Variants in EXOC6 observed in about 807,000 individuals in gnomAD.
EXOC6 encodes exocyst complex component 6.
Under a neutral mutation model 112.5 loss-of-function variants are expected in EXOC6, and 60 were observed. That is an observed-to-expected ratio of 0.53 (90% CI 0.43 to 0.66). EXOC6 has a LOEUF of 0.66. EXOC6 is among the 30% of genes least tolerant of loss of function. The pLI is 0.00. For missense variants in EXOC6, 855 were observed against 957.1 expected (o/e 0.89, Z 1.41); for synonymous variants, 295 against 308.0 (o/e 0.96, Z 0.44).
At chr10:93,021,195 T>TA (rs1844768953) in intron 20 of EXOC6, among the ~76,000 whole-genome samples, 1 of 151,814 alleles carries the variant, frequency 6.6e-6, no homozygotes, top group Non-Finnish European at 1.5e-5. Context: ...AGAAAAAAGA[T>TA]ACAGGGTCAG....
intron 20 of EXOC6, among the ~76,000 whole-genome samples, chr10:93,043,103 T>C (rs1221824541): frequency 6.6e-6 from 1 of 152,016 alleles, no homozygotes; most frequent in African/African-American, 2.4e-5. Context: ...AGCCAGCTAA[T>C]TTTTTGTATT....
intron 18 of EXOC6, among the ~76,000 whole-genome samples, chr10:92,981,298 G>GT (rs1842816490): frequency 6.6e-6 from 1 of 152,308 alleles, no homozygotes; most frequent in Middle Eastern, 3.4e-3. Flanking sequence ...ATGGAACTCA[G>GT]TAACGTTTTA....
intron 18 of EXOC6, among the ~76,000 whole-genome samples, chr10:92,989,205 T>C (rs186752447): frequency 3.3e-5 from 5 of 152,236 alleles, no homozygotes; most frequent in African/African-American, 4.8e-5. Flanking sequence ...ATAAGTGTTT[T>C]GTTAAGTATG....
At chr10:92,870,242 C>T (rs1444551192) in intron 1 of EXOC6, among the ~76,000 whole-genome samples, 1 of 152,050 alleles carries the variant, frequency 6.6e-6, no homozygotes, top group Non-Finnish European at 1.5e-5. Flanking sequence ...GCATGAGCCA[C>T]CGCGTGCCAC....
intron 1 of EXOC6, among the ~76,000 whole-genome samples, chr10:92,838,016 C>T (rs1052548021): frequency 1.3e-5 from 2 of 152,262 alleles, no homozygotes; most frequent in Non-Finnish European, 2.9e-5. Flanking sequence ...CTGAGGTGGC[C>T]TATTTGAGGT....
chr10:93,049,964 C>T (rs905078616), intron 20 of EXOC6, among the ~76,000 whole-genome samples: 1 of 151,824 alleles, frequency 6.6e-6, no homozygotes, highest in African/African-American at 2.4e-5. Flanking sequence ...GATGGTTGCA[C>T]AATTCTGTGA....
At chr10:92,998,720 A>G (rs1380893478) in intron 19 of EXOC6, among the ~76,000 whole-genome samples, 1 of 152,102 alleles carries the variant, frequency 6.6e-6, no homozygotes, top group Non-Finnish European at 1.5e-5. Context: ...ATGTTTATTT[A>G]GAAAACAAAA....
intron 1 of EXOC6, among the ~76,000 whole-genome samples, chr10:92,858,946 G>A (rs770553521): frequency 6.6e-6 from 1 of 152,130 alleles, no homozygotes; most frequent in African/African-American, 2.4e-5. Context: ...TGTATTTTTA[G>A]TAGAGATGGG....
intron 6 of EXOC6, among the ~76,000 whole-genome samples, chr10:92,910,700 C>T (rs1464808557): frequency 1.3e-5 from 2 of 152,170 alleles, no homozygotes; most frequent in African/African-American, 2.4e-5. Flanking sequence ...GGAGGCAAGG[C>T]GGGCAGATCA....
chr10:92,870,196 C>T (rs533544918), intron 1 of EXOC6, among the ~76,000 whole-genome samples: 8 of 151,990 alleles, frequency 5.3e-5, no homozygotes, highest in African/African-American at 1.2e-4. Flanking sequence ...TCAGTTGATC[C>T]GCCCGCCTCA....
intron 5 of EXOC6, among the ~76,000 whole-genome samples, chr10:92,904,479 G>T (rs1241636500): frequency 6.6e-6 from 1 of 151,870 alleles, no homozygotes; most frequent in Non-Finnish European, 1.5e-5. Flanking sequence ...TCATTTTTTC[G>T]GATTTTGCCT....
At chr10:92,947,899 G>C (rs1409919729) in intron 13 of EXOC6, among the ~76,000 whole-genome samples, 1 of 152,066 alleles carries the variant, frequency 6.6e-6, no homozygotes, top group Non-Finnish European at 1.5e-5. Context: ...GCGAGACTCT[G>C]TCTCAAAAAA....
intron 9 of EXOC6, among the ~76,000 whole-genome samples, chr10:92,933,123 G>T (rs1265134967): frequency 6.6e-6 from 1 of 152,078 alleles, no homozygotes; most frequent in Admixed American, 6.6e-5. Flanking sequence ...GTGCTTTTGA[G>T]TTGATAAAAA....
chr10:93,001,627 G>A (rs1843759700), intron 19 of EXOC6, among the ~76,000 whole-genome samples: 1 of 152,140 alleles, frequency 6.6e-6, no homozygotes, highest in Non-Finnish European at 1.5e-5. Flanking sequence ...ATCTGGACTT[G>A]GCCCCTACGA....
At chr10:92,848,718 G>A in intron 1 of EXOC6, 84 bp downstream of exon 1, 33 of 1,114,538 alleles carry the variant, frequency 3.0e-5, no homozygotes, top group Non-Finnish European at 3.6e-5. Context: ...TCCGCCGCCG[G>A]CCGCGCGCGA....
upstream of EXOC6, among the ~76,000 whole-genome samples, chr10:92,833,542 G>C (rs368008849): frequency 3.9e-5 from 6 of 152,326 alleles, no homozygotes; most frequent in East Asian, 1.2e-3. Context: ...TGAAGTACTG[G>C]CAAGGGTGTG....
chr10:92,831,244 C>T (rs1161868322), upstream of EXOC6: 2 of 949,596 alleles, frequency 2.1e-6, no homozygotes, highest in Non-Finnish European at 2.9e-6. Flanking sequence ...AGCTGAGGAG[C>T]AGAGGGAAGC....
intron 1 of EXOC6, among the ~76,000 whole-genome samples, chr10:92,876,633 G>C (rs2133748747): frequency 6.6e-6 from 1 of 152,298 alleles, no homozygotes; most frequent in Middle Eastern, 3.4e-3. Flanking sequence ...GGAAGGGAGG[G>C]TCCTGTATGT....
intron 18 of EXOC6, among the ~76,000 whole-genome samples, chr10:92,975,919 G>A (rs1213463564): frequency 1.4e-4 from 18 of 129,962 alleles, no homozygotes; most frequent in African/African-American, 5.0e-4. Flanking sequence ...GGAGGGAGGT[G>A]GGGGGGTCAG....
Sources: gnomAD v4.1 joint callset for allele counts (sites outside exome capture counted in the v4.1 genomes callset) on GRCh38, gnomAD v4.1.1 for gene constraint, MANE v1.5 for transcripts, NCBI Gene and HGNC (gene_info 2026-07-23, HGNC 2026-07-21) for gene names.